The following ALK variants were observed in gnomAD, a reference collection of about 807,000 sequenced individuals.
ALK encodes the protein ALK receptor tyrosine kinase.
Under a neutral mutation model 163.1 loss-of-function variants are expected in ALK, and 74 were observed. The observed-to-expected ratio is 0.45, with a 90% CI of 0.38 to 0.55. The LOEUF is 0.55. Among genes scored for constraint, ALK ranks in the 20% least tolerant of loss-of-function variants. The pLI, the probability that ALK is intolerant of heterozygous loss-of-function variation, is 0.00. For missense variants in ALK, 2,063 were observed against 2,105.3 expected (o/e 0.98, Z 0.39); for synonymous variants, 960 against 843.2 (o/e 1.14, Z -2.40).
intron 11 of ALK, among the ~76,000 whole-genome samples, chr2:29,256,709 A>G (rs1664957410): frequency 6.6e-6 from 1 of 151,972 alleles, no homozygotes. Flanking sequence ...GCAGGCCACT[A>G]TGAGGGGACA....
intron 3 of ALK, among the ~76,000 whole-genome samples, chr2:29,668,277 C>A (rs1380695962): frequency 1.3e-5 from 2 of 151,512 alleles, no homozygotes; most frequent in East Asian, 3.9e-4. Flanking sequence ...TCATTTATTT[C>A]TGCTCTGGTA....
At chr2:29,461,763 A>G (rs1223832421) in intron 4 of ALK, among the ~76,000 whole-genome samples, 1 of 152,174 alleles carries the variant, frequency 6.6e-6, no homozygotes. Context: ...TTTGCAGCCC[A>G]TTGATCACGA....
chr2:29,528,017 T>C (rs140563623), intron 4 of ALK, among the ~76,000 whole-genome samples: 116 of 152,358 alleles, frequency 7.6e-4, no homozygotes, highest in Middle Eastern at 3.4e-3. Context: ...CTGAGGCTTA[T>C]TTGTGCTTTA....
At chr2:29,699,562 C>T (rs2148293710) in intron 2 of ALK, among the ~76,000 whole-genome samples, 1 of 152,292 alleles carries the variant, frequency 6.6e-6, no homozygotes. Context: ...ATCTTGGTTA[C>T]TCTTAGACCC....
chr2:29,301,811 G>C (rs1666379034), intron 8 of ALK, among the ~76,000 whole-genome samples: 1 of 152,206 alleles, frequency 6.6e-6, no homozygotes, highest in Non-Finnish European at 1.5e-5. Flanking sequence ...ATCAGGCCGG[G>C]CAAAAGAGAG....
intron 4 of ALK, among the ~76,000 whole-genome samples, chr2:29,477,245 C>A (rs1182831631): frequency 6.6e-6 from 1 of 152,226 alleles, no homozygotes; most frequent in South Asian, 2.1e-4. Context: ...GCCAGTACCC[C>A]CTCATCCCAC....
chr2:29,559,646 A>G (rs1673963960), intron 3 of ALK, among the ~76,000 whole-genome samples: 1 of 152,222 alleles, frequency 6.6e-6, no homozygotes, highest in South Asian at 2.1e-4. Flanking sequence ...ATATTTATTT[A>G]GCACAATCTA....
intron 4 of ALK, among the ~76,000 whole-genome samples, chr2:29,402,760 G>A (rs1669478801): frequency 6.6e-6 from 1 of 152,072 alleles, no homozygotes; most frequent in Non-Finnish European, 1.5e-5. Context: ...GAATCCTAGG[G>A]CCAGTTCTCC....
chr2:29,257,174 G>A (rs1287118130), intron 11 of ALK, among the ~76,000 whole-genome samples: 1 of 151,894 alleles, frequency 6.6e-6, no homozygotes, highest in African/African-American at 2.4e-5. Context: ...GCAGAGGAGG[G>A]ACGTCACCTG....
intron 1 of ALK, among the ~76,000 whole-genome samples, chr2:29,800,864 C>T (rs746705787): frequency 2.0e-5 from 3 of 152,208 alleles, no homozygotes; most frequent in East Asian, 1.9e-4. Context: ...ACAGTATAGT[C>T]ATTTGTCATC....
intron 4 of ALK, among the ~76,000 whole-genome samples, chr2:29,467,242 GAA>G (rs11358247): frequency 0.38 from 55,447 of 144,174 alleles, 10,988 homozygotes; most frequent in Non-Finnish European, 0.46. Context: ...ATTGATAACA[GAA>G]AAAAAAAAAA....
chr2:29,294,636 C>T (rs540370804), intron 9 of ALK, among the ~76,000 whole-genome samples: 1 of 152,304 alleles, frequency 6.6e-6, no homozygotes, highest in East Asian at 1.9e-4. Context: ...CTGAAAGATG[C>T]AGAAAATAAA....
At chr2:29,810,582 T>A (rs964636447) in intron 1 of ALK, among the ~76,000 whole-genome samples, 2 of 151,980 alleles carry the variant, frequency 1.3e-5, no homozygotes, top group African/African-American at 4.8e-5. Flanking sequence ...AGGGGCAGAG[T>A]CAGAAAATGC....
intron 3 of ALK, among the ~76,000 whole-genome samples, chr2:29,587,543 T>C (rs917412218): frequency 7.4e-6 from 1 of 136,044 alleles, no homozygotes; most frequent in African/African-American, 3.8e-5. Flanking sequence ...CCCTTCTCTT[T>C]TTAGTTCAAG....
chr2:29,776,225 TAAAAAAAAAAAAAA>T (rs58918857), intron 1 of ALK, among the ~76,000 whole-genome samples: 1 of 131,240 alleles, frequency 7.6e-6, no homozygotes, highest in African/African-American at 3.0e-5. Context: ...GGAATTTTGT[TAAAAAAAAAAAAAA>T]AAAAAAAAAA....
intron 3 of ALK, among the ~76,000 whole-genome samples, chr2:29,666,135 C>G (rs370303878): frequency 4.0e-4 from 61 of 152,204 alleles, no homozygotes; most frequent in African/African-American, 1.4e-3. Flanking sequence ...TACATCTACT[C>G]TATTCCGTTA....
intron 4 of ALK, among the ~76,000 whole-genome samples, chr2:29,439,308 C>G (rs11127223): frequency 0.14 from 21,019 of 152,120 alleles, 1,673 homozygotes; most frequent in East Asian, 0.34. Flanking sequence ...AAATGTAAAG[C>G]ACAAACGTGG....
At chr2:29,862,817 A>C (rs371646336) in intron 1 of ALK, among the ~76,000 whole-genome samples, 21 of 130,800 alleles carry the variant, frequency 1.6e-4, no homozygotes, top group African/African-American at 5.0e-4. Context: ...AGCCAAAGCA[A>C]TCTTGAGAAA....
intron 12 of ALK, among the ~76,000 whole-genome samples, chr2:29,243,270 C>T (rs1397499115): frequency 6.6e-6 from 1 of 152,222 alleles, no homozygotes; most frequent in Non-Finnish European, 1.5e-5. Flanking sequence ...GCCCAAGGTG[C>T]TTTGCTTACC....
Sources: allele counts gnomAD v4.1 joint callset (sites outside exome capture counted in the v4.1 genomes callset), GRCh38; gene constraint gnomAD v4.1.1; transcripts MANE v1.5; gene names NCBI Gene and HGNC (gene_info 2026-07-23, HGNC 2026-07-21).